NPAS3: variants seen among roughly 807,000 people sequenced by gnomAD.
NPAS3 encodes the protein neuronal PAS domain-containing protein 3.
A neutral mutation model predicts 73.1 loss-of-function variants in NPAS3; 14 were observed. That is an observed-to-expected ratio of 0.19 (90% CI 0.13 to 0.30). The LOEUF is 0.30. NPAS3 is among the 10% of genes least tolerant of loss of function. The pLI, the probability that NPAS3 is intolerant of heterozygous loss-of-function variation, is 1.00. For missense variants in NPAS3, 1,096 were observed against 1,250.0 expected (o/e 0.88, Z 1.86); for synonymous variants, 620 against 541.5 (o/e 1.14, Z -2.01).
intron 9 of NPAS3, among the ~76,000 whole-genome samples, chr14:33,779,247 A>C (rs1403803155): frequency 6.6e-6 from 1 of 152,232 alleles, no homozygotes; most frequent in East Asian, 1.9e-4. Flanking sequence ...TGAGCAAAGC[A>C]GGAGCATCAG....
intron 3 of NPAS3, among the ~76,000 whole-genome samples, chr14:33,287,994 A>G (rs937595365): frequency 2.0e-5 from 3 of 151,660 alleles, no homozygotes; most frequent in Non-Finnish European, 4.4e-5. Flanking sequence ...CACACCAACC[A>G]TATCTCTTAG....
chr14:33,322,586 C>T (rs751480295), intron 3 of NPAS3, among the ~76,000 whole-genome samples: 8 of 151,548 alleles, frequency 5.3e-5, no homozygotes, highest in African/African-American at 9.8e-5. Context: ...TTGTCATTGA[C>T]GTTCCCTCAT....
chr14:33,618,450 T>C (rs1051286358), intron 5 of NPAS3, among the ~76,000 whole-genome samples: 18 of 152,112 alleles, frequency 1.2e-4, no homozygotes, highest in African/African-American at 4.3e-4. Context: ...ATCCCTCCCA[T>C]GCACAGTTCA....
intron 1 of NPAS3, among the ~76,000 whole-genome samples, chr14:32,978,885 T>C (rs1344740958): frequency 1.3e-5 from 2 of 152,180 alleles, no homozygotes; most frequent in African/African-American, 4.8e-5. Flanking sequence ...GTCTCTAAGG[T>C]GACACCCTTT....
chr14:33,424,784 T>A (rs919883062), intron 4 of NPAS3, among the ~76,000 whole-genome samples: 7 of 151,522 alleles, frequency 4.6e-5, no homozygotes, highest in Non-Finnish European at 7.4e-5. Context: ...GTTTGAAGTG[T>A]CTGGAGACAT....
rs1280600518 is a variant in NPAS3 at position 33,140,368 on chromosome 14, GA to G, written c.141-74807del. ...ATATGTAAGTAGGGAAAAGAACACA[GA>G]AAAAAACAGTCACTATTTTGAGCTC... On this transcript the variant is annotated intron_variant, in intron 2 of 11. Coordinates refer to ENST00000356141, the Ensembl canonical transcript of NPAS3. 2.0e-5 allele frequency among the ~76,000 whole-genome samples: 3 copies of G among 151,750 alleles called. No individual in the cohort carries two copies. The East Asian group carries it at 5.8e-4, about 29-fold the overall frequency.
intron 3 of NPAS3, among the ~76,000 whole-genome samples, chr14:33,249,174 G>A (rs1213213234): frequency 2.0e-5 from 3 of 152,084 alleles, no homozygotes; most frequent in Non-Finnish European, 4.4e-5. Context: ...CATTTTTATT[G>A]AGTAAGTAGG....
At chr14:33,434,906 A>G (rs1034208046) in intron 4 of NPAS3, among the ~76,000 whole-genome samples, 4 of 152,182 alleles carry the variant, frequency 2.6e-5, no homozygotes, top group African/African-American at 7.2e-5. Context: ...ATACAGAGCT[A>G]TAGGGCCAAA....
At chr14:33,232,711 T>C (rs903100417) in intron 3 of NPAS3, among the ~76,000 whole-genome samples, 3 of 152,192 alleles carry the variant, frequency 2.0e-5, no homozygotes, top group Admixed American at 2.0e-4. Flanking sequence ...TCTCTATTTG[T>C]TCCCTATTTA....
rs994776467 is a variant in NPAS3, at chr14:33,537,598, C to T, written c.469-22523C>T. ...AACCTTATTTTAAATGATCACACTG[C>T]GAGAGCCATCGTGAGTGGTGATAAT... On this transcript the variant is annotated intron_variant, in intron 4 of 11. Coordinates refer to ENST00000356141, the Ensembl canonical transcript of NPAS3. Among the ~76,000 whole-genome samples, 76 of 152,226 alleles carry T rather than the reference C, an allele frequency of 5.0e-4. 1 individual carries two copies. Among genetic ancestry groups the T allele is most frequent in the Non-Finnish European group, 3.7e-4 (25 of 68,000 alleles).
In NPAS3 at chr14:33,777,417, T is replaced by C. The variant is rs186648682; in HGVS notation, c.1047-1049T>C. Among the ~76,000 whole-genome samples, 1,147 of 152,010 alleles carry C rather than the reference T, an allele frequency of 7.5e-3. 10 individuals are homozygous for C. The highest frequency in any genetic ancestry group is 0.013 in the Non-Finnish European group (868 of 67,852). On this transcript the variant is annotated intron_variant, in intron 8 of 11. Transcript: ENST00000356141. ...CTCGATGGGTAATATATTTTAATTA[T>C]GTTTCTTTTTTTGTTTGTTTTTCTT...
At chr14:33,154,253 T>G (rs887985152) in intron 2 of NPAS3, among the ~76,000 whole-genome samples, 23 of 152,234 alleles carry the variant, frequency 1.5e-4, no homozygotes, top group African/African-American at 5.5e-4. Flanking sequence ...GATGTGGCAC[T>G]ACCGCTGGTT....
At chr14:32,988,843 T>G (rs1461229501) in intron 1 of NPAS3, among the ~76,000 whole-genome samples, 1 of 152,232 alleles carries the variant, frequency 6.6e-6, no homozygotes, top group African/African-American at 2.4e-5. Context: ...AATTTATTTA[T>G]TCTATATCTC....
At chr14:33,068,842 A>T (rs2041373587) in intron 2 of NPAS3, among the ~76,000 whole-genome samples, 1 of 152,130 alleles carries the variant, frequency 6.6e-6, no homozygotes. Flanking sequence ...AAGGGTTCCT[A>T]ATGTGTTCAA....
At chr14:33,777,836 G>A (rs1311417803) in intron 8 of NPAS3, among the ~76,000 whole-genome samples, 1 of 152,214 alleles carries the variant, frequency 6.6e-6, no homozygotes, top group African/African-American at 2.4e-5. Flanking sequence ...TGCTGAAATG[G>A]TTTAAAAGTT....
chr14:33,712,999 C>G (rs2060864676), intron 6 of NPAS3, among the ~76,000 whole-genome samples: 1 of 152,166 alleles, frequency 6.6e-6, no homozygotes, highest in Non-Finnish European at 1.5e-5. Context: ...TTGCCATATT[C>G]ATCTCTTACT....
intron 4 of NPAS3, among the ~76,000 whole-genome samples, chr14:33,475,281 T>C (rs2050970575): frequency 1.3e-5 from 2 of 152,186 alleles, no homozygotes; most frequent in African/African-American, 4.8e-5. Flanking sequence ...TGGCATGGAA[T>C]ATATAAAAGA....
chr14:33,558,232 G>A lies in NPAS3; in HGVS notation c.469-1889G>A, dbSNP rs368997947. Among the ~76,000 whole-genome samples, 67 of 152,254 alleles carry A rather than the reference G, an allele frequency of 4.4e-4. No homozygotes were observed. In the South Asian group the frequency reaches 0.013, roughly 29 times the overall value. ...TCATCCACAGTTTCTGACCAGTGGGGCAGTGAAAACAGGTCAGGAAACAGG... is the reference window on the plus strand; with the variant it reads ...TCATCCACAGTTTCTGACCAGTGGGACAGTGAAAACAGGTCAGGAAACAGG... On this transcript the variant is annotated intron_variant, in intron 4 of 11. Coordinates refer to ENST00000356141, the Ensembl canonical transcript of NPAS3.
chr14:33,640,833 ATAGATG>A (rs1288575501), intron 5 of NPAS3, among the ~76,000 whole-genome samples: 2 of 152,262 alleles, frequency 1.3e-5, no homozygotes, highest in Non-Finnish European at 2.9e-5. Flanking sequence ...ATAGAAGTAT[ATAGATG>A]TAGATGTAAA....
Sources: allele counts gnomAD v4.1 joint callset (sites outside exome capture counted in the v4.1 genomes callset), GRCh38; gene constraint gnomAD v4.1.1; transcripts MANE v1.5; gene names NCBI Gene and HGNC (gene_info 2026-07-23, HGNC 2026-07-21).